The following CP variants were observed in gnomAD, a reference collection of about 807,000 sequenced individuals.
CP encodes caeruloplasmin.
Under a neutral mutation model 122.4 loss-of-function variants are expected in CP, and 64 were observed. The ratio of observed to expected loss-of-function variants is 0.52; its 90% CI spans 0.43 to 0.64. The LOEUF is 0.64. Among genes scored for constraint, CP ranks in the 30% least tolerant of loss-of-function variants. CP has a pLI of 0.00. For missense variants in CP, 1,167 were observed against 1,284.4 expected (o/e 0.91, Z 1.40); for synonymous variants, 440 against 436.4 (o/e 1.01, Z -0.10).
chr3:149,166,850 T>C (rs1724474611), intron 4 of CP, among the ~76,000 whole-genome samples: 1 of 152,172 alleles, frequency 6.6e-6, no homozygotes, highest in South Asian at 2.1e-4. Context: ...AAACTAGAGG[T>C]AGTTTCAAGA....
At chr3:149,212,019 T>C (rs1728131026) in intron 2 of CP, among the ~76,000 whole-genome samples, 1 of 151,980 alleles carries the variant, frequency 6.6e-6, no homozygotes, top group Non-Finnish European at 1.5e-5. Context: ...GTTGGCCGGG[T>C]GCAGTGACTC....
At chr3:149,197,113 CT>C (rs906235646) in intron 9 of CP, among the ~76,000 whole-genome samples, 10 of 152,136 alleles carry the variant, frequency 6.6e-5, no homozygotes, top group Non-Finnish European at 1.0e-4. Context: ...TTTCCTTTAC[CT>C]ACCCAAATCC....
chr3:149,213,500 A>G (rs920356663), intron 1 of CP, among the ~76,000 whole-genome samples: 1 of 152,244 alleles, frequency 6.6e-6, no homozygotes, highest in Admixed American at 6.5e-5. Context: ...GAAGGCTTAT[A>G]TAGCCCAGTG....
In CP at chr3:149,202,100, A is replaced by T; in HGVS notation, c.1348+2T>A. On this transcript the variant is annotated splice_donor_variant, in intron 7 of 18. Coordinates refer to ENST00000264613, the MANE Select transcript of CP (RefSeq NM_000096.4). LOFTEE classifies it high-confidence loss of function. ...AGCCATATATATTCTGCAAGAACTC[A>T]CCCAGGATGCCAAGATGCTCTTCTT... 1.2e-6 allele frequency: 2 copies of T among 1,613,920 alleles called. No individual in the cohort carries two copies. The highest frequency in any genetic ancestry group is 2.2e-5 in the South Asian group (2 of 91,064).
chr3:149,171,684 A>T (rs1344461562), downstream of CP, among the ~76,000 whole-genome samples: 10 of 148,868 alleles, frequency 6.7e-5, no homozygotes, highest in Non-Finnish European at 1.5e-5. Flanking sequence ...ACATTTTGTT[A>T]CCTGAACTGG....
chr3:149,167,283 A>G, intron 4 of CP: 5 of 1,466,662 alleles, frequency 3.4e-6, no homozygotes, highest in Non-Finnish European at 4.7e-6. Flanking sequence ...ATCAGTGATA[A>G]TCAGATCTGA....
chr3:149,201,258 G>A (rs1261106285), intron 7 of CP, among the ~76,000 whole-genome samples: 2 of 151,748 alleles, frequency 1.3e-5, no homozygotes, highest in African/African-American at 2.4e-5. Flanking sequence ...AGAGTAACTA[G>A]GACAGGCACC....
intron 5 of CP, among the ~76,000 whole-genome samples, chr3:149,165,672 A>G (rs902274211): frequency 1.3e-5 from 2 of 152,082 alleles, no homozygotes; most frequent in Non-Finnish European, 1.5e-5. Context: ...TACATGGATA[A>G]AACTAAGTAA....
rs192195521 is a variant in CP at position 149,198,191 on chromosome 3, G to A, written c.1713+176C>T. 3.9e-4 allele frequency among the ~76,000 whole-genome samples: 60 copies of A among 152,236 alleles called. 1 individual carries two copies. Among genetic ancestry groups the A allele is most frequent in the African/African-American group, 1.4e-3 (60 of 41,546 alleles). ...TGATAACTTTAAAGAGTTATGATGT[G>A]TGTTATTATTATTTTAAGGTGTGAT... On this transcript the variant is annotated intron_variant, in intron 9 of 18. Coordinates refer to ENST00000264613, the MANE Select transcript of CP (RefSeq NM_000096.4).
intron 1 of CP, among the ~76,000 whole-genome samples, chr3:149,215,187 T>G (rs1728383342): frequency 6.6e-6 from 1 of 152,246 alleles, no homozygotes; most frequent in African/African-American, 2.4e-5. Context: ...AATGTTTCTT[T>G]ATATTTTCTG....
Position 149,221,805 on chromosome 3 carries a change from C to G in CP, c.-13G>C. 5 of 1,613,288 alleles carry G rather than the reference C, an allele frequency of 3.1e-6. No homozygotes were observed. Among genetic ancestry groups the G allele is most frequent in the Non-Finnish European group, 4.2e-6 (5 of 1,179,532 alleles). On this transcript the variant is annotated 5_prime_UTR_variant, in exon 1 of 19. Transcript: ENST00000264613. ...TCAAAATCTTCATTTTTTTCCCCTT[C>G]TTGGAGCCTGAGAAGAAATGAAGTA... is the stretch of plus-strand genomic sequence containing the variant.
At chr3:149,174,288 G>A (rs1046637727) in intron 18 of CP, among the ~76,000 whole-genome samples, 7 of 152,194 alleles carry the variant, frequency 4.6e-5, no homozygotes, top group Admixed American at 3.9e-4. Context: ...GATTATTAGC[G>A]AAATTTGAAG....
chr3:149,203,554 G>A (rs1296573522), intron 6 of CP, among the ~76,000 whole-genome samples: 1 of 152,234 alleles, frequency 6.6e-6, no homozygotes, highest in Non-Finnish European at 1.5e-5. Context: ...ATGAGCCACG[G>A]CGCTTGGCCA....
At chr3:149,178,992 A>C (rs1262518508) in intron 15 of CP, among the ~76,000 whole-genome samples, 2 of 152,206 alleles carry the variant, frequency 1.3e-5, no homozygotes, top group Admixed American at 1.3e-4. Context: ...CTAAAAATCC[A>C]TAGATGAATG....
At chr3:149,202,585 T>C (rs1234720634) in intron 6 of CP, among the ~76,000 whole-genome samples, 1 of 151,088 alleles carries the variant, frequency 6.6e-6, no homozygotes, top group African/African-American at 2.4e-5. Context: ...TAGTTTTTTG[T>C]TGTTGTTGTT....
At chr3:149,179,157 T>G (rs1158974290) in intron 15 of CP, among the ~76,000 whole-genome samples, 1 of 152,126 alleles carries the variant, frequency 6.6e-6, no homozygotes, top group Non-Finnish European at 1.5e-5. Flanking sequence ...CTCCTTACAG[T>G]AGAGGTCCTT....
intron 12 of CP, among the ~76,000 whole-genome samples, chr3:149,184,028 CTTTTTTTTTTTT>C (rs869206210): frequency 3.0e-4 from 19 of 63,618 alleles, no homozygotes; most frequent in South Asian, 2.6e-3. Flanking sequence ...TCACTTACTT[CTTTTTTTTTTTT>C]TTTTTTTTTT....
At position 149,172,581 on chromosome 3, in the gene CP, C is replaced by T. The variant is rs909511448; in HGVS notation, c.*1133G>A. ...GGAGACATGACAATCATTTTCATCC[C>T]AAGAACACTTTAAGGAAACATTTTA... On this transcript the variant is annotated 3_prime_UTR_variant, in exon 19 of 19. Transcript: ENST00000264613. 5.7e-6 allele frequency: 1 copy of T among 176,454 alleles called. No homozygotes were observed. The highest frequency in any genetic ancestry group is 1.2e-5 in the Non-Finnish European group (1 of 81,864). 10.9% of individuals were successfully genotyped at this position (176,454 alleles called of 1,614,324 possible).
At chr3:149,162,768 C>G in exon 6 of CP, 2 of 1,613,950 alleles carry the variant, frequency 1.2e-6, no homozygotes, top group African/African-American at 1.3e-5. Flanking sequence ...GGCATGTCTC[C>G]CAGATGTGGT....
Sources: gnomAD v4.1 joint callset for allele counts (sites outside exome capture counted in the v4.1 genomes callset) on GRCh38, gnomAD v4.1.1 for gene constraint, MANE v1.5 for transcripts, NCBI Gene and HGNC (gene_info 2026-07-23, HGNC 2026-07-21) for gene names.